Variants in GRK3 observed in about 807,000 individuals in gnomAD.
GRK3 encodes G protein-coupled receptor kinase 3.
In GRK3, 54 loss-of-function variants were observed where a neutral mutation model predicts 95.7. The ratio of observed to expected loss-of-function variants is 0.56; its 90% CI spans 0.45 to 0.71. The LOEUF (loss-of-function observed/expected upper bound fraction) is 0.71, where lower values mean the gene tolerates loss of function less well. Among genes scored for constraint, GRK3 ranks in the 30% least tolerant of loss-of-function variants. The pLI is 0.00. For synonymous variants in GRK3, 281 were observed against 290.8 expected (o/e 0.97, Z 0.34); for missense variants, 649 against 851.2 (o/e 0.76, Z 2.96).
At chr22:25,700,210 T>C (rs715534) in intron 13 of GRK3, among the ~76,000 whole-genome samples, 30,077 of 152,228 alleles carry the variant, frequency 0.2, 7,219 homozygotes, top group African/African-American at 0.58. Context: ...CGCTCATATG[T>C]GCTATCTTTG....
chr22:25,610,817 T>C (rs2084491200), intron 2 of GRK3, among the ~76,000 whole-genome samples: 1 of 152,230 alleles, frequency 6.6e-6, no homozygotes, highest in Non-Finnish European at 1.5e-5. Flanking sequence ...CTTCATTCCT[T>C]TTTGTTGCTA....
intron 3 of GRK3, among the ~76,000 whole-genome samples, chr22:25,652,223 A>G (rs897388666): frequency 2.6e-5 from 4 of 152,196 alleles, no homozygotes; most frequent in Admixed American, 2.0e-4. Context: ...TCACGAGGTC[A>G]GGAGACCGAG....
intron 3 of GRK3, among the ~76,000 whole-genome samples, chr22:25,653,167 T>C (rs1188085904): frequency 6.6e-6 from 1 of 152,210 alleles, no homozygotes; most frequent in African/African-American, 2.4e-5. Context: ...GTGGGTCAAA[T>C]TGCAAACAAA....
intron 1 of GRK3, among the ~76,000 whole-genome samples, chr22:25,566,856 T>G (rs73879503): frequency 0.19 from 29,298 of 151,786 alleles, 5,672 homozygotes; most frequent in African/African-American, 0.51. Context: ...AAATATGTAG[T>G]ATTTCTATAT....
At chr22:25,566,745 C>T (rs1428423945) in intron 1 of GRK3, among the ~76,000 whole-genome samples, 1 of 152,108 alleles carries the variant, frequency 6.6e-6, no homozygotes, top group African/African-American at 2.4e-5. Context: ...CTAAATTTCA[C>T]CAAAAAAACT....
At chr22:25,619,542 G>A (rs537431556) in intron 2 of GRK3, among the ~76,000 whole-genome samples, 1 of 152,108 alleles carries the variant, frequency 6.6e-6, no homozygotes, top group African/African-American at 2.4e-5. Flanking sequence ...GGAGTTTAGT[G>A]GCGTGATCAT....
At chr22:25,581,098 G>C (rs754912295) in intron 1 of GRK3, 2 of 152,126 alleles carry the variant, frequency 1.3e-5, no homozygotes, top group Non-Finnish European at 2.9e-5. Context: ...TTGAGCAACA[G>C]AGTGAGACTC....
chr22:25,688,657 G>C (rs1356203722), intron 11 of GRK3, among the ~76,000 whole-genome samples: 1 of 152,188 alleles, frequency 6.6e-6, no homozygotes, highest in Non-Finnish European at 1.5e-5. Flanking sequence ...TGAAAGCAAT[G>C]ATATAGGAGT....
rs1248613135 is a variant in GRK3 at position 25,724,700 on chromosome 22, G to A, written c.*2250G>A. ...CTGTTTCTGAGGGCGGTCACCAGTT[G>A]TGTTGGGGTCTGGTTTGAGTGCCTT... On this transcript the variant is annotated 3_prime_UTR_variant, in exon 21 of 21. Coordinates refer to ENST00000324198, the MANE Select transcript of GRK3 (RefSeq NM_005160.4). 6.6e-6 allele frequency: 1 copy of A among 152,162 alleles called. No individual in the cohort carries two copies. The highest frequency in any genetic ancestry group is 1.5e-5 in the Non-Finnish European group (1 of 68,036). 9.4% of individuals were successfully genotyped at this position (152,162 alleles called of 1,614,324 possible).
intron 13 of GRK3, among the ~76,000 whole-genome samples, chr22:25,698,780 A>G (rs1437507879): frequency 6.6e-6 from 1 of 152,178 alleles, no homozygotes; most frequent in Non-Finnish European, 1.5e-5. Flanking sequence ...GACAGGAGGC[A>G]GGCAGAAGAA....
At chr22:25,607,325 A>G (rs1176025764) in intron 2 of GRK3, among the ~76,000 whole-genome samples, 1 of 151,164 alleles carries the variant, frequency 6.6e-6, no homozygotes, top group Non-Finnish European at 1.5e-5. Flanking sequence ...TACCGAGTTT[A>G]TTGTCAAATT....
intron 8 of GRK3, among the ~76,000 whole-genome samples, chr22:25,676,188 C>T (rs975026949): frequency 6.6e-6 from 1 of 152,180 alleles, no homozygotes; most frequent in Non-Finnish European, 1.5e-5. Context: ...CAGTCCTCTG[C>T]AACCCTGGTC....
chr22:25,614,389 C>A (rs1285689526), intron 2 of GRK3, among the ~76,000 whole-genome samples: 1 of 152,206 alleles, frequency 6.6e-6, no homozygotes, highest in East Asian at 1.9e-4. Flanking sequence ...CCACCTCAGC[C>A]TCCCAAAGTG....
At chr22:25,648,470 C>A in intron 3 of GRK3, 1 of 1,360,728 alleles carries the variant, frequency 7.3e-7, no homozygotes, top group Non-Finnish European at 1.0e-6. Context: ...GATGTTTTGG[C>A]AAAGTGTGGA....
intron 3 of GRK3, among the ~76,000 whole-genome samples, chr22:25,651,608 A>G (rs2084831258): frequency 1.3e-5 from 2 of 152,328 alleles, no homozygotes; most frequent in South Asian, 4.1e-4. Flanking sequence ...GAACTATGAT[A>G]TTGTAATTTT....
At chr22:25,580,482 A>C (rs1159161317) in intron 1 of GRK3, 1 of 152,264 alleles carries the variant, frequency 6.6e-6, no homozygotes, top group Non-Finnish European at 1.5e-5. Context: ...CATAATTTTT[A>C]GAAATGCAAA....
chr22:25,571,802 C>T (rs1247681805), intron 1 of GRK3, among the ~76,000 whole-genome samples: 2 of 152,070 alleles, frequency 1.3e-5, no homozygotes, highest in Non-Finnish European at 2.9e-5. Flanking sequence ...CCTCTAGCTG[C>T]TTATTGTGGT....
At chr22:25,685,117 T>C in intron 9 of GRK3, 53 bp from the exon 10 acceptor site, 1 of 1,214,378 alleles carries the variant, frequency 8.2e-7, no homozygotes, top group Middle Eastern at 1.9e-4. Context: ...GTGGTAGATG[T>C]GCTTTCTAGG....
chr22:25,648,809 T>C lies in GRK3; in HGVS notation c.264+4144T>C, dbSNP rs1049391080. On this transcript the variant is annotated intron_variant, in intron 3 of 20. Coordinates refer to ENST00000324198, the MANE Select transcript of GRK3 (RefSeq NM_005160.4). ...ACCGAGATCTCTGGGCTGCTAATAT[T>C]CTTGTAGGAGAAAATCTTCTGTGCA... 5 of 1,184,260 alleles carry C rather than the reference T, an allele frequency of 4.2e-6. No homozygotes were observed. In the African/African-American group the frequency reaches 6.0e-5, roughly 14 times the overall value. 73.4% of individuals were successfully genotyped at this position (1,184,260 alleles called of 1,614,324 possible).
Sources: gnomAD v4.1 joint callset for allele counts (sites outside exome capture counted in the v4.1 genomes callset) on GRCh38, gnomAD v4.1.1 for gene constraint, MANE v1.5 for transcripts, NCBI Gene and HGNC (gene_info 2026-07-23, HGNC 2026-07-21) for gene names.